Variants in PSTPIP2 observed in about 807,000 individuals in gnomAD.
PSTPIP2 encodes proline-serine-threonine phosphatase interacting protein 2, also known as proline-serine-threonine phosphatase-interacting protein 2.
A neutral mutation model predicts 63.3 loss-of-function variants in PSTPIP2; 33 were observed. The observed-to-expected ratio is 0.52, with a 90% CI of 0.40 to 0.70. The LOEUF is 0.70. Among genes scored for constraint, PSTPIP2 ranks in the 30% least tolerant of loss-of-function variants. PSTPIP2 has a pLI of 0.00. For synonymous variants in PSTPIP2, 125 were observed against 132.7 expected, an observed-to-expected ratio of 0.94 and a Z score of 0.40; for missense variants, 312 against 400.7, an observed-to-expected ratio of 0.78 and a Z score of 1.89.
chr18:46,038,381 G>A (rs1908060073), intron 2 of PSTPIP2, among the ~76,000 whole-genome samples: 1 of 152,042 alleles, frequency 6.6e-6, no homozygotes, highest in Non-Finnish European at 1.5e-5. Context: ...CCCTTGGATG[G>A]CCCCCCAGGC....
At chr18:46,050,441 A>T in intron 1 of PSTPIP2, among the ~76,000 whole-genome samples, 1 of 152,114 alleles carries the variant, frequency 6.6e-6, no homozygotes. Context: ...GCATGGTGGC[A>T]TGCACCTGTG....
intron 2 of PSTPIP2, among the ~76,000 whole-genome samples, chr18:46,027,366 A>T (rs1214608378): frequency 6.6e-6 from 1 of 151,580 alleles, no homozygotes; most frequent in Non-Finnish European, 1.5e-5. Flanking sequence ...AATTTTTTTT[A>T]AAGAATAAGA....
intron 2 of PSTPIP2, among the ~76,000 whole-genome samples, chr18:46,037,906 C>T (rs7231846): frequency 0.38 from 58,198 of 152,078 alleles, 11,589 homozygotes; most frequent in African/African-American, 0.48. Flanking sequence ...AAATAATCAA[C>T]AATTTTTATT....
intron 9 of PSTPIP2, 82 bp from the exon 10 acceptor site, chr18:45,993,785 G>T: frequency 1.7e-6 from 2 of 1,176,346 alleles, no homozygotes; most frequent in Non-Finnish European, 2.5e-6. Flanking sequence ...AAGAAACAGT[G>T]TCAACCTTCA....
At chr18:46,046,653 A>G (rs1908394845) in intron 1 of PSTPIP2, among the ~76,000 whole-genome samples, 1 of 152,250 alleles carries the variant, frequency 6.6e-6, no homozygotes, top group Admixed American at 6.5e-5. Context: ...AGAAGAAGAA[A>G]GCAGGATGCA....
At chr18:46,030,112 C>T (rs1012782984) in intron 2 of PSTPIP2, among the ~76,000 whole-genome samples, 4 of 150,358 alleles carry the variant, frequency 2.7e-5, no homozygotes, top group Admixed American at 2.7e-4. Context: ...AAGACTCCGA[C>T]TCAAAAAAAG....
chr18:46,048,380 A>G (rs1179137374), intron 1 of PSTPIP2, among the ~76,000 whole-genome samples: 1 of 152,248 alleles, frequency 6.6e-6, no homozygotes, highest in African/African-American at 2.4e-5. Flanking sequence ...CTTTGGACTT[A>G]TGACCTCCAG....
intron 1 of PSTPIP2, among the ~76,000 whole-genome samples, chr18:46,068,593 C>T (rs763019796): frequency 7.3e-5 from 11 of 151,596 alleles, no homozygotes; most frequent in South Asian, 6.2e-4. Flanking sequence ...CCACCATGCC[C>T]GGCCGGCTTA....
intron 1 of PSTPIP2, among the ~76,000 whole-genome samples, chr18:46,067,997 T>C (rs1339248595): frequency 6.9e-6 from 1 of 144,542 alleles, no homozygotes; most frequent in Non-Finnish European, 1.6e-5. Context: ...TCTTTCTGTA[T>C]TTTTTTTTTA....
intron 1 of PSTPIP2, among the ~76,000 whole-genome samples, chr18:46,044,746 C>T (rs888112852): frequency 1.1e-3 from 161 of 152,184 alleles, no homozygotes; most frequent in African/African-American, 3.6e-3. Flanking sequence ...AGAAAATTTT[C>T]GCAACCTACC....
intron 1 of PSTPIP2, among the ~76,000 whole-genome samples, chr18:46,041,874 C>A (rs1169146050): frequency 6.6e-6 from 1 of 152,140 alleles, no homozygotes; most frequent in Non-Finnish European, 1.5e-5. Context: ...CAACTCTTCC[C>A]AGCGCCAGTT....
At chr18:46,022,475 C>G (rs898735922) in intron 3 of PSTPIP2, among the ~76,000 whole-genome samples, 6 of 152,108 alleles carry the variant, frequency 3.9e-5, no homozygotes, top group Non-Finnish European at 7.4e-5. Flanking sequence ...AAAGAGAAAG[C>G]CTGACCTCCT....
At chr18:46,002,182 A>G (rs909933988) in intron 6 of PSTPIP2, among the ~76,000 whole-genome samples, 2 of 152,036 alleles carry the variant, frequency 1.3e-5, no homozygotes, top group African/African-American at 2.4e-5. Flanking sequence ...GTTCGATTAT[A>G]TGTCTTGGTA....
intron 1 of PSTPIP2, among the ~76,000 whole-genome samples, chr18:46,055,968 T>C (rs778464675): frequency 1.9e-4 from 29 of 152,242 alleles, no homozygotes; most frequent in Non-Finnish European, 3.2e-4. Flanking sequence ...ATTTTTAGAC[T>C]GTATCTTTCT....
chr18:46,027,103 G>T (rs1431552801), intron 2 of PSTPIP2, among the ~76,000 whole-genome samples: 1 of 151,816 alleles, frequency 6.6e-6, no homozygotes, highest in Admixed American at 6.6e-5. Flanking sequence ...AGACCAGCGT[G>T]GCCAACATGG....
intron 3 of PSTPIP2, among the ~76,000 whole-genome samples, chr18:46,017,301 CTCTT>C (rs1043211099): frequency 2.6e-5 from 4 of 152,140 alleles, no homozygotes; most frequent in African/African-American, 9.7e-5. Flanking sequence ...TGGGTAATCA[CTCTT>C]TCTGGATGCC....
At position 45,991,918 on chromosome 18, in the gene PSTPIP2, C is replaced by T. The variant is rs1338813900; in HGVS notation, c.904G>A (p.Gly302Arg). Residue 302 changes from glycine (G) to arginine (R), a missense_variant, in exon 12 of 15, where the codon GGG (glycine) becomes AGG (arginine). By Grantham distance (125) the Gly-to-Arg change is moderately radical. Transcript: ENST00000409746. ...KNAVPAGKAT[G>R]PNLARRGPLP... ...GGTTATTACCTTGCCAAGTTAGGCC[C>T]TGTAGCCTTTCCTGCTGGGACTGCA... The T allele has an allele frequency of 3.7e-6, 6 of 1,612,380 alleles. No individual in the cohort carries two copies. The Admixed American group carries it at 1.0e-4, about 27-fold the overall frequency.
Position 46,066,200 on chromosome 18 carries a change from C to T in PSTPIP2, c.33+5956G>A, listed in dbSNP as rs377563789. On this transcript the variant is annotated intron_variant, in intron 1 of 14. Transcript: ENST00000409746. ...ACAAAAAATACAAAAATTAACCAGG[C>T]GTGGTGGCATGTGCCTGCGGTTCCA... 1.6e-4 allele frequency among the ~76,000 whole-genome samples: 25 copies of T among 152,002 alleles called. 1 individual carries two copies. The highest frequency in any genetic ancestry group is 5.8e-4 in the East Asian group (3 of 5,144).
In PSTPIP2 at chr18:45,991,917, C is replaced by G; in HGVS notation, c.905G>C (p.Gly302Ala). The change falls in exon 12 of 15, where the codon GGG becomes GCG. Residue 302 changes from glycine to alanine, a missense_variant. Coordinates refer to ENST00000409746, the MANE Select transcript of PSTPIP2 (RefSeq NM_024430.4). ...KNAVPAGKATGPNLARRGPLP... is the reference protein window; with the variant it reads ...KNAVPAGKATAPNLARRGPLP... Reference sequence around the variant, plus strand: ...TGGTTATTACCTTGCCAAGTTAGGCCCTGTAGCCTTTCCTGCTGGGACTGC... The same window carrying G: ...TGGTTATTACCTTGCCAAGTTAGGCGCTGTAGCCTTTCCTGCTGGGACTGC... 1.2e-6 allele frequency: 2 copies of G among 1,612,236 alleles called. No homozygotes were observed. Among genetic ancestry groups the G allele is most frequent in the Non-Finnish European group, 8.5e-7 (1 of 1,178,390 alleles).
Sources: allele counts gnomAD v4.1 joint callset (sites outside exome capture counted in the v4.1 genomes callset), GRCh38; gene constraint gnomAD v4.1.1; transcripts MANE v1.5; gene names NCBI Gene and HGNC (gene_info 2026-07-23, HGNC 2026-07-21).